ELANE: variants seen among roughly 807,000 people sequenced by gnomAD.
ELANE encodes the protein elastase, neutrophil expressed.
ELANE carries 12 observed loss-of-function variants against 20.6 expected under a neutral mutation model. The ratio of observed to expected loss-of-function variants is 0.58; its 90% confidence interval spans 0.37 to 0.94. The LOEUF is 0.94. Ranked by LOEUF, ELANE falls within the 40% of genes least tolerant of loss-of-function variation. ELANE has a pLI of 0.01. For synonymous variants in ELANE, 203 were observed against 177.4 expected, an observed-to-expected ratio of 1.14 and a Z score of -1.15; for missense variants, 388 against 395.2, an observed-to-expected ratio of 0.98 and a Z score of 0.15.
At chr19:853,097 G>A in intron 2 of ELANE, 65 bp downstream of exon 2, 1 of 1,516,954 alleles carries the variant, frequency 6.6e-7, no homozygotes, top group African/African-American at 1.4e-5. Flanking sequence ...GGTGGGTGGG[G>A]GGAGGCCGGG....
chr19:852,787 G>A, intron 1 of ELANE, 89 bp from the exon 2 acceptor site: 1 of 1,498,314 alleles, frequency 6.7e-7, no homozygotes, highest in Non-Finnish European at 8.9e-7. Flanking sequence ...GATCCCGTGG[G>A]TTCCTGGTGG....
At chr19:852,510 T>C (rs1354809591) in intron 1 of ELANE, 115 bp downstream of exon 1, 10 of 1,305,760 alleles carry the variant, frequency 7.7e-6, no homozygotes, top group Non-Finnish European at 1.0e-5. Context: ...AGGTGCCAGC[T>C]GGGACAAGGA....
At position 855,001 on chromosome 19, in the gene ELANE, C is replaced by T. The variant is rs1270764770; in HGVS notation, c.367-563C>T. 1.1e-4 allele frequency among the ~76,000 whole-genome samples: 17 copies of T among 151,708 alleles called. No individual in the cohort carries two copies. In the East Asian group the frequency reaches 3.3e-3, roughly 29 times the overall value. On this transcript the variant is annotated intron_variant, in intron 3 of 4. Coordinates refer to ENST00000263621, the MANE Select transcript of ELANE (RefSeq NM_001972.4). This position sits in a 1 kb window ranked among gnomAD's most constrained non-coding sequence, Gnocchi z 6.2. ...CCCAGGTAGCTGGGACTACAGGCGC[C>T]CGCCACCACGCCTGGCTAATTTTTG...
intron 3 of ELANE, among the ~76,000 whole-genome samples, chr19:854,523 G>A (rs1293362730): frequency 2.0e-5 from 3 of 150,890 alleles, no homozygotes; most frequent in Admixed American, 6.7e-5. Context: ...GTGCAGTGGC[G>A]CGATCGCAGC....
In ELANE at chr19:856,079, A is replaced by G; in HGVS notation, c.719A>G (p.Asn240Ser). The G allele has an allele frequency of 6.2e-7, 1 of 1,613,136 alleles. No homozygotes were observed. Among genetic ancestry groups the G allele is most frequent in the Non-Finnish European group, 8.5e-7 (1 of 1,179,964 alleles). ...DAFAPVAQFV[N>S]WIDSIIQRSE... The stretch of plus-strand genomic sequence containing the variant: ...TTTGCCCCGGTGGCACAGTTTGTAA[A>G]CTGGATCGACTCTATCATCCAACGC... The change falls in exon 5 of 5, where the codon AAC (asparagine) becomes AGC (serine). Residue 240 changes from asparagine (N) to serine (S), a missense_variant. Coordinates refer to ENST00000263621, the MANE Select transcript of ELANE (RefSeq NM_001972.4).
At chr19:854,675 TAATA>T (rs2035647325) in intron 3 of ELANE, among the ~76,000 whole-genome samples, 1 of 146,478 alleles carries the variant, frequency 6.8e-6, no homozygotes, top group African/African-American at 2.5e-5. Flanking sequence ...ATATTATAAA[TAATA>T]AATATATATT....
chr19:856,058 C>G lies in ELANE; in HGVS notation c.698C>G (p.Ala233Gly). The G allele has an allele frequency of 6.2e-7, 1 of 1,613,524 alleles. No homozygotes were observed. Among genetic ancestry groups the G allele is most frequent in the South Asian group, 1.1e-5 (1 of 91,086 alleles). ...TCAGGGCTCTACCCCGATGCCTTTGCCCCGGTGGCACAGTTTGTAAACTGG... is the reference window on the plus strand; with the variant it reads ...TCAGGGCTCTACCCCGATGCCTTTGGCCCGGTGGCACAGTTTGTAAACTGG... ...CASGLYPDAF[A>G]PVAQFVNWID... Residue 233 changes from alanine (A) to glycine (G), a missense_variant, in exon 5 of 5, where the codon GCC (alanine) becomes GGC (glycine). Around this residue, in one of 3 missense-constraint regions of ELANE, gnomAD observed 321 missense variants for 309.8 expected, o/e 1.04. Transcript: ENST00000263621.
rs201961347 is a variant in ELANE at position 852,351 on chromosome 19, C to T, written c.23C>T (p.Ala8Val). ...ACCATGACCCTCGGCCGCCGACTCG[C>T]GTGTCTTTTCCTCGCCTGTGTCCTG... Reference protein sequence around the residue: MTLGRRLACLFLACVLPA... With the variant: MTLGRRLVCLFLACVLPA... The change falls in exon 1 of 5, where the codon GCG (alanine) becomes GTG (valine). Residue 8 changes from alanine to valine, a missense_variant. Physicochemically the swap from Ala to Val is moderately conservative, Grantham distance 64. Transcript: ENST00000263621. 42 of 1,610,998 alleles carry T rather than the reference C, an allele frequency of 2.6e-5. No homozygotes were observed. The African/African-American group carries it at 4.5e-4, about 17-fold the overall frequency.
rs1162925812 is a variant in ELANE at position 856,114 on chromosome 19, AACCCCTGTCCCC to A, written c.760_771del (p.Cys254_Pro257del). 1 of 1,612,982 alleles carries A rather than the reference AACCCCTGTCCCC, an allele frequency of 6.2e-7. No individual in the cohort carries two copies. Among genetic ancestry groups the A allele is most frequent in the African/African-American group, 1.3e-5 (1 of 74,918 alleles). The stretch of plus-strand genomic sequence containing the variant: ...CTCTATCATCCAACGCTCCGAGGAC[AACCCCTGTCCCC>A]ACCCCCGGGACCCGGACCCGGCCAG... On this transcript the variant is annotated inframe_deletion, in exon 5 of 5. Coordinates refer to ENST00000263621, the MANE Select transcript of ELANE (RefSeq NM_001972.4).
rs1283357466 is a variant in ELANE, at chr19:853,350, T to C, written c.313T>C (p.Phe105Leu). Residue 105 changes from phenylalanine (F) to leucine (L), a missense_variant, in exon 3 of 5, where the codon TTC (phenylalanine) becomes CTC (leucine). This residue lies in a region of ELANE where 321 missense variants were observed against 309.8 expected (regional missense o/e 1.04). Coordinates refer to ENST00000263621, the MANE Select transcript of ELANE (RefSeq NM_001972.4). ...TRQVFAVQRIFENGYDPVNLL... is the reference protein window; with the variant it reads ...TRQVFAVQRILENGYDPVNLL... ...GCAGGTGTTCGCCGTGCAGCGCATC[T>C]TCGAAAACGGCTACGACCCCGTAAA... The C allele has an allele frequency of 1.2e-6, 2 of 1,611,710 alleles. No homozygotes were observed. The highest frequency in any genetic ancestry group is 1.7e-6 in the Non-Finnish European group (2 of 1,179,280).
Position 855,086 on chromosome 19 carries a change from C to T in ELANE, c.367-478C>T, listed in dbSNP as rs1034872355. 6.6e-6 allele frequency among the ~76,000 whole-genome samples: 1 copy of T among 152,066 alleles called. No homozygotes were observed. Among genetic ancestry groups the T allele is most frequent in the Non-Finnish European group, 1.5e-5 (1 of 68,030 alleles). On this transcript the variant is annotated intron_variant, in intron 3 of 4. Coordinates refer to ENST00000263621, the MANE Select transcript of ELANE (RefSeq NM_001972.4). This position sits in a 1 kb window ranked among gnomAD's most constrained non-coding sequence, Gnocchi z 6.2. ...GCCAGGATGGTCTTGATCTCCTGAC[C>T]TTTTGATTGGCCCACCTCAGCCTCC...
At position 853,401 on chromosome 19, in the gene ELANE, C is replaced by T. The variant is rs1303279241; in HGVS notation, c.364C>T (p.Gln122Ter). 9 of 1,604,212 alleles carry T rather than the reference C, an allele frequency of 5.6e-6. No homozygotes were observed. Among genetic ancestry groups the T allele is most frequent in the Non-Finnish European group, 7.7e-6 (9 of 1,175,744 alleles). ...CTTGCTCAACGACATCGTGATTCTC[C>T]AGGTGCCGCCGGGCGGGGCGGGGGG... is the stretch of plus-strand genomic sequence containing the variant. Reference protein sequence around the residue: ...VNLLNDIVILQLNGSATINAN... With the variant: ...VNLLNDIVIL Residue 122 changes from glutamine to a stop codon, truncating the protein, a stop_gained and splice_region_variant, in exon 3 of 5, where the codon CAG (glutamine) becomes TAG (stop). Coordinates refer to ENST00000263621, the MANE Select transcript of ELANE (RefSeq NM_001972.4). LOFTEE classifies it high-confidence loss of function.
intron 3 of ELANE, among the ~76,000 whole-genome samples, chr19:853,682 A>G (rs950890238): frequency 1.3e-5 from 2 of 150,058 alleles, no homozygotes; most frequent in African/African-American, 2.5e-5. Flanking sequence ...TTGTCAATCA[A>G]CAAACTTACT....
rs1568305367 is a variant in ELANE, at chr19:855,162, T to TA, written c.367-401dup. 6.6e-6 allele frequency among the ~76,000 whole-genome samples: 1 copy of TA among 151,950 alleles called. No homozygotes were observed. The highest frequency in any genetic ancestry group is 1.5e-5 in the Non-Finnish European group (1 of 67,984). On this transcript the variant is annotated intron_variant, in intron 3 of 4. Transcript: ENST00000263621. This position sits in a 1 kb window ranked among gnomAD's most constrained non-coding sequence, Gnocchi z 6.2. ...GCCACCGCACCTGGCAATTTTTTTT[T>TA]ATTATTTTTGTAGACATGGGGCTTT...
At chr19:853,130 G>T in intron 2 of ELANE, 98 bp downstream of exon 2, 5 of 1,482,244 alleles carry the variant, frequency 3.4e-6, no homozygotes, top group South Asian at 1.3e-5. Flanking sequence ...GGCGGGGGGG[G>T]GTCCGTCCAG....
chr19:852,868 G>A lies in ELANE; in HGVS notation c.68-8G>A. On this transcript the variant is annotated splice_polypyrimidine_tract_variant and splice_region_variant and intron_variant, in intron 1 of 4. Coordinates refer to ENST00000263621, the MANE Select transcript of ELANE (RefSeq NM_001972.4). Reference sequence around the variant, plus strand: ...GGCACTCAGCACCCGCACCCGGTGTGTCCCCAGGCACCGCGCTGGCCTCGG... The same window carrying A: ...GGCACTCAGCACCCGCACCCGGTGTATCCCCAGGCACCGCGCTGGCCTCGG... 1.9e-6 allele frequency: 3 copies of A among 1,594,434 alleles called. No homozygotes were observed. Among genetic ancestry groups the A allele is most frequent in the Non-Finnish European group, 2.5e-6 (3 of 1,176,630 alleles).
At chr19:853,498 G>A in intron 3 of ELANE, 95 bp downstream of exon 3, 1 of 1,440,858 alleles carries the variant, frequency 6.9e-7, no homozygotes, top group African/African-American at 1.4e-5. Context: ...GCCGCTCGTG[G>A]GGACCTGGGG....
intron 3 of ELANE, among the ~76,000 whole-genome samples, chr19:854,762 AT>A (rs1022859806): frequency 3.4e-5 from 5 of 146,378 alleles, no homozygotes; most frequent in African/African-American, 9.9e-5. Context: ...TATAAATATC[AT>A]TTATAATTAT....
chr19:856,145 C>T lies in ELANE; in HGVS notation c.785C>T (p.Pro262Leu), dbSNP rs17216670. ...NPCPHPRDPD[P>L]ASRTH is the part of the protein sequence containing the mutation. ...TGTCCCCACCCCCGGGACCCGGACCCGGCCAGCAGGACCCACTGAGAAGGG... is the reference window on the plus strand; with the variant it reads ...TGTCCCCACCCCCGGGACCCGGACCTGGCCAGCAGGACCCACTGAGAAGGG... Residue 262 changes from proline to leucine, a missense_variant, in exon 5 of 5, where the codon CCG (proline) becomes CTG (leucine). Transcript: ENST00000263621. The T allele has an allele frequency of 7.8e-4, 1,264 of 1,612,916 alleles. 10 individuals carry two copies. In the African/African-American group the frequency reaches 0.015, roughly 20 times the overall value.
Sources: gnomAD v4.1 joint callset for allele counts (sites outside exome capture counted in the v4.1 genomes callset) on GRCh38, gnomAD v4.1.1 for gene constraint, gnomAD v4.1.1 regional missense constraint, Gnocchi (gnomAD v3.1) non-coding constraint, MANE v1.5 for transcripts, NCBI Gene and HGNC (gene_info 2026-07-23, HGNC 2026-07-21) for gene names.